Variants in PLEKHG1 observed in about 807,000 individuals in gnomAD.
PLEKHG1 encodes pleckstrin homology domain-containing family G member 1.
Under a neutral mutation model 100.8 loss-of-function variants are expected in PLEKHG1, and 44 were observed. The ratio of observed to expected loss-of-function variants is 0.44; its 90% confidence interval spans 0.34 to 0.56. PLEKHG1 has a LOEUF of 0.56. Among genes scored for constraint, PLEKHG1 ranks in the 20% least tolerant of loss-of-function variants. The probability of loss-of-function intolerance (pLI) is 0.01; values close to 1 mark genes in which losing one functional copy is unlikely to be tolerated. For synonymous variants in PLEKHG1, 640 were observed against 662.5 expected, an observed-to-expected ratio of 0.97 and a Z score of 0.52; for missense variants, 1,545 against 1,720.9, an observed-to-expected ratio of 0.90 and a Z score of 1.81.
At position 150,831,499 on chromosome 6, in the gene PLEKHG1, A is replaced by C. The variant is rs746928395; in HGVS notation, c.2388A>C (p.Glu796Asp). ...ACAGCCTCCAGCTCAGTGAGGACGA[A>C]GCCCCTTACCATCAGGCCACTCCCG... Residue 796 changes from glutamate to aspartate, a missense_variant, in exon 15 of 16, where the codon GAA (glutamate) becomes GAC (aspartate). Coordinates refer to ENST00000358517, the Ensembl canonical transcript of PLEKHG1. This position sits in a 1 kb window ranked among gnomAD's most constrained non-coding sequence, Gnocchi z 4.1. The C allele has an allele frequency of 1.7e-5, 27 of 1,614,008 alleles. No individual in the cohort carries two copies. Among genetic ancestry groups the C allele is most frequent in the Non-Finnish European group, 2.1e-5 (25 of 1,179,994 alleles).
intron 3 of PLEKHG1, among the ~76,000 whole-genome samples, chr6:150,708,250 C>G (rs1781103570): frequency 6.6e-6 from 1 of 152,126 alleles, no homozygotes; most frequent in Admixed American, 6.5e-5. Context: ...AGCCTGAGTA[C>G]TTGCCACATA....
At chr6:150,762,369 T>G (rs1583075936) in intron 2 of PLEKHG1, among the ~76,000 whole-genome samples, 1 of 138,178 alleles carries the variant, frequency 7.2e-6, no homozygotes, top group South Asian at 2.3e-4. Context: ...TTTTTTTTTT[T>G]TGTATTTTTA....
intron 2 of PLEKHG1, among the ~76,000 whole-genome samples, chr6:150,751,104 G>T (rs1460931069): frequency 6.6e-6 from 1 of 152,104 alleles, no homozygotes; most frequent in Non-Finnish European, 1.5e-5. Context: ...ACGTTCTAAA[G>T]TATTGTAATA....
At chr6:150,647,154 A>G (rs746051935) in intron 2 of PLEKHG1, among the ~76,000 whole-genome samples, 2 of 152,238 alleles carry the variant, frequency 1.3e-5, no homozygotes, top group Non-Finnish European at 2.9e-5. Flanking sequence ...TAGAAGTATT[A>G]TCAGACATGA....
chr6:150,603,620 G>A (rs891454597), intron 1 of PLEKHG1, among the ~76,000 whole-genome samples: 2 of 152,066 alleles, frequency 1.3e-5, no homozygotes, highest in Non-Finnish European at 2.9e-5. Flanking sequence ...TGTGTATCTA[G>A]AATAGTCTTC....
intron 2 of PLEKHG1, among the ~76,000 whole-genome samples, chr6:150,641,037 CACT>C (rs1318250204): frequency 6.6e-6 from 1 of 152,048 alleles, no homozygotes; most frequent in Admixed American, 6.6e-5. Context: ...CTTATCTGTG[CACT>C]ACAAGTGTCC....
chr6:150,840,476 G>A (rs1316758258), exon 16 of PLEKHG1: 1 of 1,614,200 alleles, frequency 6.2e-7, no homozygotes, highest in East Asian at 2.2e-5. Context: ...AAGACTCACA[G>A]AAAGTTGTGG....
chr6:150,612,321 T>TTTTG (rs562744809), intron 1 of PLEKHG1, among the ~76,000 whole-genome samples: 249 of 151,774 alleles, frequency 1.6e-3, no homozygotes, highest in African/African-American at 5.6e-3. Flanking sequence ...TTTTGTGGGG[T>TTTTG]TTTGTTTGTT....
At chr6:150,767,794 A>G (rs919109143) in intron 2 of PLEKHG1, among the ~76,000 whole-genome samples, 4 of 152,178 alleles carry the variant, frequency 2.6e-5, no homozygotes, top group Admixed American at 2.6e-4. Context: ...GCCACACTTC[A>G]TTGTTCAGCC....
At chr6:150,791,258 C>G (rs1475302317) in intron 4 of PLEKHG1, among the ~76,000 whole-genome samples, 1 of 152,098 alleles carries the variant, frequency 6.6e-6, no homozygotes, top group African/African-American at 2.4e-5. Context: ...TTGAGGATCA[C>G]TGGTATAACA....
Position 150,638,844 on chromosome 6 carries a change from T to C in PLEKHG1, c.-158+719T>C, listed in dbSNP as rs79551279. ...CTTTATATAGCAGGGAATAGAATTA[T>C]ATAACCTGGATGCATTCCTGAAATT... On this transcript the variant is annotated intron_variant, in intron 2 of 3. Transcript: ENST00000367326. 6.8e-3 allele frequency among the ~76,000 whole-genome samples: 1,039 copies of C among 152,350 alleles called. 12 individuals are homozygous for C. The highest frequency in any genetic ancestry group is 0.024 in the African/African-American group (995 of 41,590).
chr6:150,800,635 C>T (rs1786636019), intron 5 of PLEKHG1, 84 bp from the exon 7 acceptor site: 1 of 1,276,448 alleles, frequency 7.8e-7, no homozygotes, highest in Admixed American at 1.8e-5. Flanking sequence ...CATTTTAGGG[C>T]ATTTACACTT....
intron 1 of PLEKHG1, among the ~76,000 whole-genome samples, chr6:150,722,339 TTTTTC>T (rs1781728746): frequency 4.2e-5 from 6 of 143,018 alleles, no homozygotes; most frequent in African/African-American, 1.3e-4. Context: ...TTCTTTTTTC[TTTTTC>T]TTTTCTTTTT....
intron 2 of PLEKHG1, among the ~76,000 whole-genome samples, chr6:150,742,604 G>T (rs1171354363): frequency 7.0e-6 from 1 of 143,380 alleles, no homozygotes; most frequent in East Asian, 2.1e-4. Context: ...AGCGCAGGGA[G>T]GGCCCGCACA....
At chr6:150,707,069 A>G (rs1781053325) in intron 3 of PLEKHG1, among the ~76,000 whole-genome samples, 1 of 138,338 alleles carries the variant, frequency 7.2e-6, no homozygotes, top group South Asian at 2.3e-4. Context: ...CAGTGGCACA[A>G]TCTCGGCTAC....
At chr6:150,789,042 A>G (rs571217717) in intron 4 of PLEKHG1, among the ~76,000 whole-genome samples, 1 of 152,342 alleles carries the variant, frequency 6.6e-6, no homozygotes, top group South Asian at 2.1e-4. Flanking sequence ...GTGTCCAGTG[A>G]AAACTTCTCA....
rs544115236 is a variant in PLEKHG1, at chr6:150,774,377, T to C, written c.512+5639T>C. 6.6e-5 allele frequency among the ~76,000 whole-genome samples: 10 copies of C among 152,314 alleles called. No homozygotes were observed. In the South Asian group the frequency reaches 2.1e-3, roughly 32 times the overall value. On this transcript the variant is annotated intron_variant, in intron 3 of 15. Coordinates refer to ENST00000358517, the Ensembl canonical transcript of PLEKHG1. ...ATATTGAGTTTTATTCATTGCTTAGTATGCCTTTAATAAAGTTAGCATATG... is the reference window on the plus strand; with the variant it reads ...ATATTGAGTTTTATTCATTGCTTAGCATGCCTTTAATAAAGTTAGCATATG...
At chr6:150,721,192 G>A (rs1191008357) in exon 1 of PLEKHG1, 1 of 984,482 alleles carries the variant, frequency 1.0e-6, no homozygotes, top group South Asian at 4.7e-5. Context: ...AAGCCTGAGT[G>A]GAGCAGAGGT....
intron 4 of PLEKHG1, among the ~76,000 whole-genome samples, chr6:150,792,755 A>T (rs1786072986): frequency 6.6e-6 from 1 of 152,150 alleles, no homozygotes; most frequent in Admixed American, 6.6e-5. Context: ...TGATTGCCCT[A>T]CAGCAAGAGT....
Sources: allele counts gnomAD v4.1 joint callset (sites outside exome capture counted in the v4.1 genomes callset), GRCh38; gene constraint gnomAD v4.1.1; non-coding constraint Gnocchi (gnomAD v3.1); transcripts MANE v1.5; gene names NCBI Gene and HGNC (gene_info 2026-07-23, HGNC 2026-07-21).